The following JAZF1 variants were observed in gnomAD, a reference collection of about 807,000 sequenced individuals.
JAZF1 encodes juxtaposed with another zinc finger protein 1.
JAZF1 carries 8 observed loss-of-function variants against 26.4 expected under a neutral mutation model. That is an observed-to-expected ratio of 0.30 (90% CI 0.18 to 0.55). The LOEUF is 0.55. Ranked by LOEUF, JAZF1 falls within the 20% of genes least tolerant of loss-of-function variation. JAZF1 has a pLI of 0.94. For missense variants in JAZF1, 199 were observed against 322.0 expected (o/e 0.62, Z 2.92); for synonymous variants, 126 against 122.3 (o/e 1.03, Z -0.20).
chr7:28,167,327 C>A (rs1266341396), intron 1 of JAZF1, among the ~76,000 whole-genome samples: 1 of 152,162 alleles, frequency 6.6e-6, no homozygotes, highest in African/African-American at 2.4e-5. Flanking sequence ...CCAGCTAGCA[C>A]ACTGAATATA....
At chr7:28,021,083 G>A (rs376923670) in intron 1 of JAZF1, among the ~76,000 whole-genome samples, 3 of 152,168 alleles carry the variant, frequency 2.0e-5, no homozygotes, top group African/African-American at 7.2e-5. Flanking sequence ...GGATACTAGT[G>A]CACCTCAGAG....
intron 1 of JAZF1, among the ~76,000 whole-genome samples, chr7:28,134,567 C>T (rs1022737603): frequency 6.6e-6 from 1 of 151,890 alleles, no homozygotes; most frequent in African/African-American, 2.4e-5. Context: ...CCCTCTTCAG[C>T]CTCCCAAAGT....
rs551457459 is a variant in JAZF1 at position 27,932,270 on chromosome 7, T to C, written c.189-36854A>G. 2.0e-5 allele frequency among the ~76,000 whole-genome samples: 3 copies of C among 152,334 alleles called. No homozygotes were observed. The East Asian group carries it at 5.8e-4, about 29-fold the overall frequency. On this transcript the variant is annotated intron_variant, in intron 2 of 4. Coordinates refer to ENST00000283928, the MANE Select transcript of JAZF1 (RefSeq NM_175061.4). ...AACTGTTCTCAAGTCCAACTGGGGA[T>C]GAAAGGAGGCATGTGTTGTGTGTAA... is the stretch of plus-strand genomic sequence containing the variant.
At chr7:27,865,204 C>T (rs12537135) in intron 3 of JAZF1, among the ~76,000 whole-genome samples, 32,122 of 151,862 alleles carry the variant, frequency 0.21, 3,650 homozygotes, top group Middle Eastern at 0.3. Context: ...ATCCTGTCTC[C>T]ACAAAAAATA....
intron 1 of JAZF1, among the ~76,000 whole-genome samples, chr7:28,057,232 T>A (rs533244502): frequency 6.6e-6 from 1 of 152,322 alleles, no homozygotes; most frequent in East Asian, 1.9e-4. Context: ...TAAGGAAGAT[T>A]TCAGCTTGAC....
At chr7:28,161,884 T>C (rs1467889714) in intron 1 of JAZF1, among the ~76,000 whole-genome samples, 1 of 152,302 alleles carries the variant, frequency 6.6e-6, no homozygotes, top group South Asian at 2.1e-4. Flanking sequence ...TTACTCTCCT[T>C]AAGGCTCAGT....
chr7:27,951,045 T>C (rs954170094), intron 2 of JAZF1, among the ~76,000 whole-genome samples: 8 of 152,204 alleles, frequency 5.3e-5, no homozygotes, highest in African/African-American at 1.7e-4. Flanking sequence ...ATGAGTTCCA[T>C]GGAATTTTGC....
At chr7:27,912,279 T>C (rs754529492) in intron 2 of JAZF1, among the ~76,000 whole-genome samples, 3 of 152,254 alleles carry the variant, frequency 2.0e-5, no homozygotes, top group Non-Finnish European at 4.4e-5. Flanking sequence ...TTCTTTGTGA[T>C]GTTAACTGAC....
At chr7:28,082,404 C>CAGG (rs1784151600) in intron 1 of JAZF1, among the ~76,000 whole-genome samples, 1 of 152,176 alleles carries the variant, frequency 6.6e-6, no homozygotes, top group East Asian at 1.9e-4. Context: ...TACTCCTGTG[C>CAGG]AGGCTCCCTT....
At chr7:28,021,605 G>A (rs1202044267) in intron 1 of JAZF1, among the ~76,000 whole-genome samples, 1 of 152,212 alleles carries the variant, frequency 6.6e-6, no homozygotes, top group Admixed American at 6.5e-5. Flanking sequence ...CAGTGTGGAC[G>A]TAGGACAAAC....
rs1330193630 is a variant in JAZF1, at chr7:28,092,302, A to C, written c.115+88161T>G. 1.5e-4 allele frequency among the ~76,000 whole-genome samples: 17 copies of C among 113,336 alleles called. No individual in the cohort carries two copies. In the East Asian group the frequency reaches 3.4e-3, roughly 23 times the overall value. The allele number at this position is 113,336 out of a possible 152,430, so 74.4% of individuals were successfully genotyped here. A position where few individuals can be genotyped will look rare whatever the true frequency, so the allele number is the denominator to read the frequency against. On this transcript the variant is annotated intron_variant, in intron 1 of 4. Coordinates refer to ENST00000283928, the MANE Select transcript of JAZF1 (RefSeq NM_175061.4). Reference sequence around the variant, plus strand: ...CAGGGACAAAAGGCAAAAAAAAAAAAAAAAAAAAAAAAAAAAAAAAAAAAC... The same window carrying C: ...CAGGGACAAAAGGCAAAAAAAAAAACAAAAAAAAAAAAAAAAAAAAAAAAC...
intron 3 of JAZF1, among the ~76,000 whole-genome samples, chr7:27,848,733 A>C (rs989848576): frequency 6.6e-6 from 1 of 152,224 alleles, no homozygotes; most frequent in Non-Finnish European, 1.5e-5. Flanking sequence ...ATGTCATGGC[A>C]GCCAAAATGC....
chr7:27,927,051 G>A (rs1784612099), intron 2 of JAZF1, among the ~76,000 whole-genome samples: 1 of 152,158 alleles, frequency 6.6e-6, no homozygotes, highest in Non-Finnish European at 1.5e-5. Context: ...GTTGCCAGGG[G>A]CAAAAGAATG....
At chr7:27,884,530 A>T (rs191647288) in intron 3 of JAZF1, among the ~76,000 whole-genome samples, 116 of 152,254 alleles carry the variant, frequency 7.6e-4, no homozygotes, top group African/African-American at 2.7e-3. Context: ...CCTTGTCCAC[A>T]CCTTCCTCCT....
chr7:27,847,278 C>G (rs1783049580), intron 3 of JAZF1, among the ~76,000 whole-genome samples: 1 of 152,010 alleles, frequency 6.6e-6, no homozygotes, highest in South Asian at 2.1e-4. Flanking sequence ...GCATGAACCA[C>G]CATGCCCAGC....
rs1166104466 is a variant in JAZF1, at chr7:27,985,993, C to T, written c.188+5916G>A. The stretch of plus-strand genomic sequence containing the variant: ...TAATAAGAGCTATTTATGACAAACC[C>T]ACAGCCAATATCATACTGAATGGGC... On this transcript the variant is annotated intron_variant, in intron 2 of 4. Transcript: ENST00000283928. Among the ~76,000 whole-genome samples, 3 of 152,246 alleles carry T rather than the reference C, an allele frequency of 2.0e-5. No homozygotes were observed. In the East Asian group the frequency reaches 5.8e-4, roughly 29 times the overall value.
intron 1 of JAZF1, among the ~76,000 whole-genome samples, chr7:28,065,563 A>T (rs1783867897): frequency 6.6e-6 from 1 of 152,250 alleles, no homozygotes; most frequent in African/African-American, 2.4e-5. Context: ...ATGTGTTGTT[A>T]AGTCAGCACA....
At chr7:27,872,843 C>T (rs565476438) in intron 3 of JAZF1, among the ~76,000 whole-genome samples, 9 of 151,826 alleles carry the variant, frequency 5.9e-5, no homozygotes, top group African/African-American at 2.2e-4. Context: ...ATTGGAATAA[C>T]AATATCAGGA....
At chr7:27,948,197 G>A (rs1039482376) in intron 2 of JAZF1, among the ~76,000 whole-genome samples, 1 of 151,998 alleles carries the variant, frequency 6.6e-6, no homozygotes, top group Non-Finnish European at 1.5e-5. Context: ...CACTCTGAGG[G>A]GCTTTACTGT....
Sources: allele counts gnomAD v4.1 joint callset (sites outside exome capture counted in the v4.1 genomes callset), GRCh38; gene constraint gnomAD v4.1.1; transcripts MANE v1.5; gene names NCBI Gene and HGNC (gene_info 2026-07-23, HGNC 2026-07-21).